Variants in PIP5K1A observed in about 807,000 individuals in gnomAD.
PIP5K1A encodes the protein phosphatidylinositol-4-phosphate 5-kinase type 1 alpha.
In PIP5K1A, 46 loss-of-function variants were observed where a neutral mutation model predicts 72.9. That is an observed-to-expected ratio of 0.63 (90% CI 0.50 to 0.81). PIP5K1A has a LOEUF of 0.81. PIP5K1A is among the 30% of genes least tolerant of loss of function. The pLI, the probability that PIP5K1A is intolerant of heterozygous loss-of-function variation, is 0.00. For missense variants in PIP5K1A, 458 were observed against 706.1 expected, an observed-to-expected ratio of 0.65 and a Z score of 3.98; for synonymous variants, 228 against 255.1, an observed-to-expected ratio of 0.89 and a Z score of 1.01.
In PIP5K1A at chr1:151,231,741, A is replaced by C. The variant is rs775302806; in HGVS notation, c.308A>C (p.Lys103Thr). ...CACACTGTGGGGAGCCTGAGTACCAAACCAGAGCGTGATGTCCTCATGCAA... is the reference window on the plus strand; with the variant it reads ...CACACTGTGGGGAGCCTGAGTACCACACCAGAGCGTGATGTCCTCATGCAA... ...ITHTVGSLST[K>T]PERDVLMQDF... Residue 103 changes from lysine (K) to threonine (T), a missense_variant, in exon 5 of 16, where the codon AAA becomes ACA. This residue lies in a region of PIP5K1A where 220 missense variants were observed against 442.6 expected (regional missense o/e 0.50). Coordinates refer to ENST00000368888, the MANE Select transcript of PIP5K1A (RefSeq NM_001135638.2). 5 of 1,613,770 alleles carry C rather than the reference A, an allele frequency of 3.1e-6. No homozygotes were observed. Among genetic ancestry groups the C allele is most frequent in the Non-Finnish European group, 4.2e-6 (5 of 1,179,674 alleles).
chr1:151,241,611 A>C (rs1479027195), intron 12 of PIP5K1A, among the ~76,000 whole-genome samples: 1 of 149,638 alleles, frequency 6.7e-6, no homozygotes, highest in Non-Finnish European at 1.5e-5. Flanking sequence ...GACCAGCCTG[A>C]CCAACATGGT....
intron 4 of PIP5K1A, among the ~76,000 whole-genome samples, chr1:151,230,074 C>G (rs1315076732): frequency 1.3e-5 from 2 of 151,826 alleles, no homozygotes; most frequent in African/African-American, 4.8e-5. Context: ...GGCGACAGAG[C>G]GAGACTCCGT....
intron 14 of PIP5K1A, among the ~76,000 whole-genome samples, chr1:151,245,650 C>T (rs1040443747): frequency 3.3e-5 from 5 of 152,266 alleles, no homozygotes; most frequent in Admixed American, 3.3e-4. Flanking sequence ...ATTCTCCTAC[C>T]TCAGCCTCCC....
At chr1:151,223,381 C>T (rs1226915514) in intron 1 of PIP5K1A, among the ~76,000 whole-genome samples, 4 of 151,266 alleles carry the variant, frequency 2.6e-5, no homozygotes, top group East Asian at 1.9e-4. Flanking sequence ...TGTGGTGGCT[C>T]ACGCCTGTAA....
chr1:151,237,711 A>T (rs756180499), intron 9 of PIP5K1A, among the ~76,000 whole-genome samples: 1 of 152,176 alleles, frequency 6.6e-6, no homozygotes, highest in Non-Finnish European at 1.5e-5. Context: ...ATCCTTCTTC[A>T]TCATGCCTAG....
chr1:151,232,942 T>C (rs1690307558), intron 7 of PIP5K1A, among the ~76,000 whole-genome samples: 1 of 151,644 alleles, frequency 6.6e-6, no homozygotes, highest in African/African-American at 2.4e-5. Flanking sequence ...TTACTAAAAA[T>C]ACAAAAAATT....
Position 151,248,997 on chromosome 1 carries a change from C to T in PIP5K1A, c.*1132C>T, listed in dbSNP as rs1692849956. 6.6e-6 allele frequency: 1 copy of T among 152,246 alleles called. No homozygotes were observed. The highest frequency in any genetic ancestry group is 1.5e-5 in the Non-Finnish European group (1 of 68,048). The allele number at this position is 152,246 out of a possible 1,614,324, so 9.4% of individuals were successfully genotyped here. A position where few individuals can be genotyped will look rare whatever the true frequency, so the allele number is the denominator to read the frequency against. On this transcript the variant is annotated 3_prime_UTR_variant, in exon 16 of 16. Coordinates refer to ENST00000368888, the MANE Select transcript of PIP5K1A (RefSeq NM_001135638.2). Reference sequence around the variant, plus strand: ...TGAGGTCATTGCTGTGCCATATGTCCTACCCCCCTGTCTTCATGCAGGGAA... The same window carrying T: ...TGAGGTCATTGCTGTGCCATATGTCTTACCCCCCTGTCTTCATGCAGGGAA...
In PIP5K1A at chr1:151,234,453, A is replaced by T. The variant is rs374846839; in HGVS notation, c.896A>T (p.Asp299Val). 1.5e-5 allele frequency: 24 copies of T among 1,613,962 alleles called. No homozygotes were observed. The African/African-American group carries it at 2.9e-4, about 20-fold the overall frequency. ...CCTGATGGTCTTTTTTTGGATGCTG[A>T]CATGTACAACGCTCTCTGTAAGACC... ...DIPDGLFLDADMYNALCKTLQ... is the reference protein window; with the variant it reads ...DIPDGLFLDAVMYNALCKTLQ... Residue 299 changes from aspartate (D) to valine (V), a missense_variant, in exon 8 of 16, where the codon GAC becomes GTC. Asp to Val is a radical substitution (Grantham distance 152). This residue lies in a region of PIP5K1A where 220 missense variants were observed against 442.6 expected (regional missense o/e 0.50). Coordinates refer to ENST00000368888, the MANE Select transcript of PIP5K1A (RefSeq NM_001135638.2).
intron 1 of PIP5K1A, among the ~76,000 whole-genome samples, chr1:151,212,029 G>A (rs998340505): frequency 6.7e-6 from 1 of 150,190 alleles, no homozygotes; most frequent in Non-Finnish European, 1.5e-5. Flanking sequence ...GGAGAATGGC[G>A]TGAATCCGCA....
intron 9 of PIP5K1A, among the ~76,000 whole-genome samples, chr1:151,237,220 G>A (rs921333961): frequency 2.6e-5 from 4 of 152,204 alleles, no homozygotes; most frequent in Admixed American, 1.3e-4. Flanking sequence ...GTTGACAGAA[G>A]TATAGAATGA....
chr1:151,241,891 G>A (rs1203064000), intron 12 of PIP5K1A, among the ~76,000 whole-genome samples: 1 of 152,116 alleles, frequency 6.6e-6, no homozygotes, highest in Non-Finnish European at 1.5e-5. Context: ...GGGGGGTTAG[G>A]TGTGGATATG....
intron 8 of PIP5K1A, among the ~76,000 whole-genome samples, chr1:151,234,773 T>A (rs1426878416): frequency 6.6e-6 from 1 of 152,242 alleles, no homozygotes; most frequent in Admixed American, 6.5e-5. Context: ...CTTCCTCAGA[T>A]TTTGGTCCTG....
chr1:151,201,555 C>G (rs1274810090), intron 1 of PIP5K1A, among the ~76,000 whole-genome samples: 1 of 151,918 alleles, frequency 6.6e-6, no homozygotes, highest in African/African-American at 2.4e-5. Context: ...GGGGTTTCAT[C>G]ATGTCAGCCA....
intron 1 of PIP5K1A, among the ~76,000 whole-genome samples, chr1:151,208,858 G>A (rs1285315967): frequency 2.1e-5 from 3 of 146,178 alleles, no homozygotes; most frequent in African/African-American, 5.1e-5. Flanking sequence ...TCAGCCTCCC[G>A]AGTAGCTGGG....
chr1:151,247,489 G>A (rs779468680), intron 15 of PIP5K1A, among the ~76,000 whole-genome samples: 16 of 152,074 alleles, frequency 1.1e-4, no homozygotes, highest in Non-Finnish European at 2.1e-4. Flanking sequence ...GCAGTGGCGC[G>A]ATCTCGGCTC....
At position 151,198,982 on chromosome 1, in the gene PIP5K1A, G is replaced by A; in HGVS notation, c.-15G>A. The stretch of plus-strand genomic sequence containing the variant: ...GAAAGAGAGCCAGGCCGCTGAGGGG[G>A]AGGGGGCTGCTAAGATGGCGTCGGC... On this transcript the variant is annotated 5_prime_UTR_variant, in exon 1 of 16. Transcript: ENST00000368888. 2 of 1,612,828 alleles carry A rather than the reference G, an allele frequency of 1.2e-6. No homozygotes were observed. The highest frequency in any genetic ancestry group is 1.1e-5 in the South Asian group (1 of 91,056).
At chr1:151,212,862 C>T (rs1475194960) in intron 1 of PIP5K1A, among the ~76,000 whole-genome samples, 14 of 147,882 alleles carry the variant, frequency 9.5e-5, no homozygotes, top group Admixed American at 3.4e-4. Context: ...CGTGAGCCAC[C>T]GTGCCTGGCT....
At chr1:151,242,028 G>C in intron 12 of PIP5K1A, 95 bp from the exon 13 acceptor site, 1 of 1,253,886 alleles carries the variant, frequency 8.0e-7, no homozygotes, top group Non-Finnish European at 1.2e-6. Context: ...CCAACTTTGG[G>C]TGTGTGTTGG....
chr1:151,197,365 G>A (rs957508477), upstream of PIP5K1A, among the ~76,000 whole-genome samples: 3 of 151,856 alleles, frequency 2.0e-5, no homozygotes, highest in African/African-American at 7.3e-5. Flanking sequence ...TGCAAGCTCC[G>A]CCTCCCAGGT....
Sources: allele counts gnomAD v4.1 joint callset (sites outside exome capture counted in the v4.1 genomes callset), GRCh38; gene constraint gnomAD v4.1.1; regional missense constraint gnomAD v4.1.1; transcripts MANE v1.5; gene names NCBI Gene and HGNC (gene_info 2026-07-23, HGNC 2026-07-21).